MACROH2A2: variants seen among roughly 807,000 people sequenced by gnomAD.
MACROH2A2 encodes macroH2A.2 histone, also known as core histone macro-H2A.2.
In MACROH2A2, 6 loss-of-function variants were observed where a neutral mutation model predicts 37.6. That is an observed-to-expected ratio of 0.16 (90% CI 0.09 to 0.32). The LOEUF (loss-of-function observed/expected upper bound fraction) is 0.32, where lower values mean the gene tolerates loss of function less well. MACROH2A2 is among the 10% of genes least tolerant of loss of function. The probability of loss-of-function intolerance (pLI) is 1.00; values close to 1 mark genes in which losing one functional copy is unlikely to be tolerated. For synonymous variants in MACROH2A2, 192 were observed against 202.7 expected (o/e 0.95, Z 0.45); for missense variants, 290 against 485.9 (o/e 0.60, Z 3.79).
intron 1 of MACROH2A2, among the ~76,000 whole-genome samples, chr10:70,060,728 A>G (rs1157764143): frequency 6.6e-6 from 1 of 152,254 alleles, no homozygotes; most frequent in East Asian, 1.9e-4. Flanking sequence ...GCTTATAACA[A>G]TAAACTGCAT....
intron 2 of MACROH2A2, among the ~76,000 whole-genome samples, chr10:70,080,350 G>A (rs2072168686): frequency 6.6e-6 from 1 of 152,086 alleles, no homozygotes. Flanking sequence ...ATGGAGAATG[G>A]TGCCTGTACC....
chr10:70,084,220 T>A (rs1302607911), intron 2 of MACROH2A2, among the ~76,000 whole-genome samples: 2 of 152,194 alleles, frequency 1.3e-5, no homozygotes, highest in Admixed American at 6.5e-5. Flanking sequence ...GCATTTGTGT[T>A]TTTAAAAGAT....
At chr10:70,072,744 G>A (rs2072117960) in intron 1 of MACROH2A2, among the ~76,000 whole-genome samples, 1 of 152,006 alleles carries the variant, frequency 6.6e-6, no homozygotes, top group Admixed American at 6.6e-5. Context: ...ATCACTTGAG[G>A]TCAGGAGTTT....
chr10:70,075,631 A>G lies in MACROH2A2; in HGVS notation c.-28A>G. On this transcript the variant is annotated 5_prime_UTR_variant, in exon 2 of 9. Coordinates refer to ENST00000373255, the MANE Select transcript of MACROH2A2 (RefSeq NM_018649.3). The surrounding 1 kb of genome is among the most constrained non-coding windows in gnomAD (Gnocchi z 5.0). ...GTTAGTGCCGGGAGGCCACTGTGTC[A>G]GCAAGCTGAGAGGGAAACTGAAGCA... 6.2e-7 allele frequency: 1 copy of G among 1,612,230 alleles called. No individual in the cohort carries two copies. The highest frequency in any genetic ancestry group is 1.1e-5 in the South Asian group (1 of 90,948).
At chr10:70,072,201 TTTTC>T (rs2072114959) in intron 1 of MACROH2A2, among the ~76,000 whole-genome samples, 1 of 152,118 alleles carries the variant, frequency 6.6e-6, no homozygotes, top group Middle Eastern at 3.4e-3. Context: ...CTATAAGCAT[TTTTC>T]TTTTTTTATT....
At chr10:70,094,419 C>T (rs1273745224) in intron 5 of MACROH2A2, among the ~76,000 whole-genome samples, 1 of 152,148 alleles carries the variant, frequency 6.6e-6, no homozygotes, top group African/African-American at 2.4e-5. Context: ...TTCATTCCTA[C>T]AAGTGTAAAG....
intron 2 of MACROH2A2, among the ~76,000 whole-genome samples, chr10:70,088,960 C>T (rs943188812): frequency 1.3e-5 from 2 of 152,114 alleles, no homozygotes; most frequent in Non-Finnish European, 2.9e-5. Flanking sequence ...AAAAATTAGC[C>T]AGGTGTGGTG....
chr10:70,089,981 T>C (rs978393999), intron 2 of MACROH2A2, 79 bp from the exon 3 acceptor site: 2 of 897,340 alleles, frequency 2.2e-6, no homozygotes, highest in East Asian at 2.4e-5. Context: ...GTGATCAAAC[T>C]TGAAGGCCAT....
chr10:70,076,122 G>A (rs10999121), intron 2 of MACROH2A2, among the ~76,000 whole-genome samples: 185 of 152,326 alleles, frequency 1.2e-3, no homozygotes, highest in African/African-American at 4.0e-3. Context: ...TGCTTTAAGC[G>A]AATGCAATAT....
In MACROH2A2 at chr10:70,093,813, C is replaced by T. The variant is rs771427114; in HGVS notation, c.556C>T (p.Leu186=). 1 of 1,606,552 alleles carries T rather than the reference C, an allele frequency of 6.2e-7. No individual in the cohort carries two copies. The highest frequency in any genetic ancestry group is 8.5e-7 in the Non-Finnish European group (1 of 1,173,034). The part of the protein sequence containing the change: ...EDGPGDGFTI[L]SSKSLVLGQK... ...TGGGCCAGGGGATGGATTCACCATT[C>T]TGTCTTCTAAGAGCCTTGTTCTGGG... The change falls in exon 5 of 9, where the codon CTG becomes TTG. Residue 186 remains leucine, a synonymous_variant. Transcript: ENST00000373255.
At chr10:70,097,688 G>A (rs911306225) in intron 6 of MACROH2A2, among the ~76,000 whole-genome samples, 1 of 152,112 alleles carries the variant, frequency 6.6e-6, no homozygotes, top group Non-Finnish European at 1.5e-5. Context: ...ACAATGACTT[G>A]TAACAGATAA....
In MACROH2A2 at chr10:70,111,817, C is replaced by T; in HGVS notation, c.*134C>T. ...GGGCAGGTCCTGCCGGCGCAGGGAG[C>T]CCTCTGCCCTTCACACTCTCCTCCA... On this transcript the variant is annotated 3_prime_UTR_variant, in exon 9 of 9. Coordinates refer to ENST00000373255, the MANE Select transcript of MACROH2A2 (RefSeq NM_018649.3). The T allele has an allele frequency of 1.6e-6, 1 of 632,436 alleles. No homozygotes were observed. Among genetic ancestry groups the T allele is most frequent in the Non-Finnish European group, 2.5e-6 (1 of 401,364 alleles). The allele number at this position is 632,436 out of a possible 1,614,324, so 39.2% of individuals were successfully genotyped here.
At chr10:70,104,960 C>A (rs577293394) in intron 7 of MACROH2A2, among the ~76,000 whole-genome samples, 3 of 152,356 alleles carry the variant, frequency 2.0e-5, no homozygotes, top group African/African-American at 7.2e-5. Context: ...AGTGCAGGCC[C>A]ACCCTGTGGC....
chr10:70,101,949 AG>A (rs1564547528), intron 7 of MACROH2A2, among the ~76,000 whole-genome samples: 1 of 152,182 alleles, frequency 6.6e-6, no homozygotes, highest in African/African-American at 2.4e-5. Context: ...TCTGTGCACA[AG>A]TTTTTTTTAA....
Position 70,111,654 on chromosome 10 carries a change from C to G in MACROH2A2, c.1090C>G (p.Gln364Glu). ...CAGCGAGAGCATCGGCATCTACGTG[C>G]AGGAGATGGCCAAGCTCGACGCCAA... The part of the protein sequence containing the change: ...FDSESIGIYV[Q>E]EMAKLDAK The change falls in exon 9 of 9, where the codon CAG becomes GAG. Residue 364 changes from glutamine to glutamate, a missense_variant. Gln to Glu is a conservative substitution (Grantham distance 29). Around this residue, in one of 3 missense-constraint regions of MACROH2A2, gnomAD observed 130 missense variants for 257.1 expected, o/e 0.51. Coordinates refer to ENST00000373255, the MANE Select transcript of MACROH2A2 (RefSeq NM_018649.3). 6.2e-7 allele frequency: 1 copy of G among 1,611,268 alleles called. No individual in the cohort carries two copies. The highest frequency in any genetic ancestry group is 8.5e-7 in the Non-Finnish European group (1 of 1,178,630).
In MACROH2A2 at chr10:70,104,378, G is replaced by C. The variant is rs540774924; in HGVS notation, c.778+4081G>C. On this transcript the variant is annotated intron_variant, in intron 7 of 8. Coordinates refer to ENST00000373255, the MANE Select transcript of MACROH2A2 (RefSeq NM_018649.3). Reference sequence around the variant, plus strand: ...GACAGAGAGGAAAAAAAAAAAAAAAGCCTCACTAAAGAATTTGGCCAGGCA... The same window carrying C: ...GACAGAGAGGAAAAAAAAAAAAAAACCCTCACTAAAGAATTTGGCCAGGCA... Among the ~76,000 whole-genome samples the C allele has an allele frequency of 3.2e-3, 475 of 146,158 alleles. 2 individuals carry two copies. Among genetic ancestry groups the C allele is most frequent in the African/African-American group, 0.011 (452 of 40,156 alleles).
intron 1 of MACROH2A2, among the ~76,000 whole-genome samples, chr10:70,055,694 G>T (rs1477209320): frequency 1.3e-5 from 2 of 152,184 alleles, no homozygotes; most frequent in Non-Finnish European, 2.9e-5. Context: ...CTGCTGACTG[G>T]TGTGTAAATT....
chr10:70,077,530 G>A (rs1199419047), intron 2 of MACROH2A2, among the ~76,000 whole-genome samples: 1 of 151,616 alleles, frequency 6.6e-6, no homozygotes, highest in Non-Finnish European at 1.5e-5. Context: ...GCAGTGAGCT[G>A]AGATCACACC....
chr10:70,069,097 T>A (rs1284146531), intron 1 of MACROH2A2, among the ~76,000 whole-genome samples: 1 of 152,112 alleles, frequency 6.6e-6, no homozygotes, highest in African/African-American at 2.4e-5. Flanking sequence ...CTGGTGTGAG[T>A]TTATTGCCCG....
Sources: gnomAD v4.1 joint callset for allele counts (sites outside exome capture counted in the v4.1 genomes callset) on GRCh38, gnomAD v4.1.1 for gene constraint, gnomAD v4.1.1 regional missense constraint, Gnocchi (gnomAD v3.1) non-coding constraint, MANE v1.5 for transcripts, NCBI Gene and HGNC (gene_info 2026-07-23, HGNC 2026-07-21) for gene names.